Variants in ATP8B4 observed in about 807,000 individuals in gnomAD.
The protein encoded by ATP8B4 is probable phospholipid-transporting ATPase IM.
ATP8B4 carries 133 observed loss-of-function variants against 145.6 expected under a neutral mutation model. The ratio of observed to expected loss-of-function variants is 0.91; its 90% CI spans 0.79 to 1.05. ATP8B4 has a LOEUF of 1.05. Among genes scored for constraint, ATP8B4 ranks in the 50% least tolerant of loss-of-function variants. ATP8B4 has a pLI of 0.00. For missense variants in ATP8B4, 1,458 were observed against 1,425.2 expected (o/e 1.02, Z -0.37); for synonymous variants, 507 against 492.9 (o/e 1.03, Z -0.38).
chr15:49,926,524 A>T (rs1381308088), intron 16 of ATP8B4, among the ~76,000 whole-genome samples: 1 of 152,052 alleles, frequency 6.6e-6, no homozygotes, highest in Non-Finnish European at 1.5e-5. Flanking sequence ...GAATCCTGCA[A>T]TAGCTTCCCT....
intron 1 of ATP8B4, among the ~76,000 whole-genome samples, chr15:50,176,647 A>G (rs1024510628): frequency 2.0e-5 from 3 of 152,226 alleles, no homozygotes; most frequent in African/African-American, 7.2e-5. Flanking sequence ...AGAGAGAGAA[A>G]GCTGTTGAAA....
chr15:49,885,637 T>G (rs1285322124), intron 23 of ATP8B4, among the ~76,000 whole-genome samples: 1 of 152,178 alleles, frequency 6.6e-6, no homozygotes, highest in Non-Finnish European at 1.5e-5. Flanking sequence ...GCACCATAGA[T>G]TCAAACTTAA....
At chr15:49,878,148 A>G (rs1017765581) in intron 24 of ATP8B4, among the ~76,000 whole-genome samples, 1 of 152,168 alleles carries the variant, frequency 6.6e-6, no homozygotes, top group African/African-American at 2.4e-5. Context: ...TTGCACAATA[A>G]CCATCTTTTC....
chr15:50,157,716 T>C (rs2044440985), intron 1 of ATP8B4, among the ~76,000 whole-genome samples: 1 of 145,042 alleles, frequency 6.9e-6, no homozygotes, highest in Non-Finnish European at 1.5e-5. Context: ...ATGGACCCTT[T>C]AACATATTTA....
chr15:49,899,291 T>C (rs879564626), intron 21 of ATP8B4, among the ~76,000 whole-genome samples: 3 of 152,194 alleles, frequency 2.0e-5, no homozygotes, highest in Admixed American at 6.5e-5. Context: ...TTTGTCTCCC[T>C]CTGTGCTCTC....
At chr15:49,951,771 C>T (rs540814274) in intron 14 of ATP8B4, among the ~76,000 whole-genome samples, 5 of 152,196 alleles carry the variant, frequency 3.3e-5, no homozygotes, top group East Asian at 1.9e-4. Context: ...CTAGTTGATG[C>T]GGTTTCTTCA....
chr15:50,070,885 G>A (rs1207586289), intron 3 of ATP8B4, among the ~76,000 whole-genome samples: 4 of 151,898 alleles, frequency 2.6e-5, no homozygotes, highest in South Asian at 4.2e-4. Flanking sequence ...GACTACACAC[G>A]CCCCGCACCA....
At chr15:50,169,855 G>C (rs1289753428) in intron 1 of ATP8B4, among the ~76,000 whole-genome samples, 1 of 152,136 alleles carries the variant, frequency 6.6e-6, no homozygotes, top group East Asian at 1.9e-4. Flanking sequence ...ATTCAGGAAA[G>C]TTTGGACATA....
Position 49,931,295 on chromosome 15 carries a change from T to C in ATP8B4, c.1466A>G (p.Tyr489Cys), listed in dbSNP as rs759326491. The change falls in exon 16 of 28, where the codon TAC (tyrosine) becomes TGC (cysteine). Residue 489 changes from tyrosine (Y) to cysteine (C), a missense_variant. Tyr to Cys is a radical substitution (Grantham distance 194). Transcript: ENST00000284509. The part of the protein sequence containing the change: ...SEENSAGELI[Y>C]QVQSPDEGAL... ...CCCTTCATCAGGTGACTGAACTTGG[T>C]AAATCAGCTCTCCTAAAAGGTAAAG... 1 of 1,612,068 alleles carries C rather than the reference T, an allele frequency of 6.2e-7. No homozygotes were observed. Among genetic ancestry groups the C allele is most frequent in the Admixed American group, 1.7e-5 (1 of 59,752 alleles).
At chr15:49,977,865 A>C (rs2045809110) in intron 12 of ATP8B4, among the ~76,000 whole-genome samples, 1 of 152,156 alleles carries the variant, frequency 6.6e-6, no homozygotes, top group Admixed American at 6.6e-5. Flanking sequence ...TAATCCCCTT[A>C]TTTTATGGGG....
intron 2 of ATP8B4, among the ~76,000 whole-genome samples, chr15:50,097,788 GT>G (rs1388304088): frequency 6.6e-6 from 1 of 152,122 alleles, no homozygotes; most frequent in Non-Finnish European, 1.5e-5. Context: ...GAAATTAGGA[GT>G]TTTCAGGAGA....
intron 21 of ATP8B4, among the ~76,000 whole-genome samples, chr15:49,898,695 G>T (rs1394465463): frequency 6.6e-6 from 1 of 152,106 alleles, no homozygotes; most frequent in Non-Finnish European, 1.5e-5. Flanking sequence ...CTGTTGTTTT[G>T]TATATTTAGT....
rs757552012 is a variant in ATP8B4, at chr15:50,047,362, G to A, written c.190C>T (p.Leu64=). 1 of 1,558,740 alleles carries A rather than the reference G, an allele frequency of 6.4e-7. No individual in the cohort carries two copies. The highest frequency in any genetic ancestry group is 8.8e-7 in the Non-Finnish European group (1 of 1,130,316). The change falls in exon 4 of 28, where the codon CTG becomes TTG. Residue 64 remains leucine, a synonymous_variant. Transcript: ENST00000284509. Reference sequence around the variant, plus strand: ...AACCTAAATATTACCTGTAAAATCAGAAGGCAAAGAAAATAGGCATTTGCC... The same window carrying A: ...AACCTAAATATTACCTGTAAAATCAAAAGGCAAAGAAAATAGGCATTTGCC... ...RVANAYFLCL[L]ILQLIPEISS...
intron 7 of ATP8B4, among the ~76,000 whole-genome samples, chr15:50,005,923 CT>C (rs143723072): frequency 0.1 from 15,898 of 152,058 alleles, 1,697 homozygotes; most frequent in African/African-American, 0.27. Context: ...TTTGGATCGC[CT>C]TTTATTTTTT....
intron 9 of ATP8B4, among the ~76,000 whole-genome samples, chr15:49,995,012 C>T (rs1043993765): frequency 6.6e-6 from 1 of 152,070 alleles, no homozygotes; most frequent in Non-Finnish European, 1.5e-5. Context: ...ATGGAGAAGG[C>T]CACCCAACCC....
At chr15:50,089,133 T>C (rs895196171) in intron 2 of ATP8B4, among the ~76,000 whole-genome samples, 6 of 152,136 alleles carry the variant, frequency 3.9e-5, no homozygotes, top group African/African-American at 1.4e-4. Flanking sequence ...TAACTCAAGA[T>C]GGATTAAAGA....
At chr15:49,987,242 G>T (rs557546173) in intron 10 of ATP8B4, 149 bp downstream of exon 10, 77 of 921,450 alleles carry the variant, frequency 8.4e-5, no homozygotes, top group Admixed American at 4.7e-4. Context: ...GTTTTCTCCT[G>T]GCATCCTACA....
chr15:49,934,269 T>C lies in ATP8B4; in HGVS notation c.1288-87A>G. On this transcript the variant is annotated intron_variant, in intron 14 of 27. Transcript: ENST00000284509. Reference sequence around the variant, plus strand: ...ATTCAAAAATAGTTCCCCCAAGTATTTTTAGTGTATTATTTTGCAGCCTCA... The same window carrying C: ...ATTCAAAAATAGTTCCCCCAAGTATCTTTAGTGTATTATTTTGCAGCCTCA... The C allele has an allele frequency of 4.9e-6, 7 of 1,418,878 alleles. No individual in the cohort carries two copies. In the South Asian group the frequency reaches 9.6e-5, roughly 20 times the overall value. The allele number at this position is 1,418,878 out of a possible 1,614,324, so 87.9% of individuals were successfully genotyped here. A position where few individuals can be genotyped will look rare whatever the true frequency, so the allele number is the denominator to read the frequency against.
intron 1 of ATP8B4, among the ~76,000 whole-genome samples, chr15:50,149,289 AGAGT>A (rs1248599957): frequency 3.9e-5 from 6 of 152,240 alleles, no homozygotes; most frequent in African/African-American, 1.4e-4. Context: ...AAGACAAGAG[AGAGT>A]AAGCTATAGG....
Sources: gnomAD v4.1 joint callset for allele counts (sites outside exome capture counted in the v4.1 genomes callset) on GRCh38, gnomAD v4.1.1 for gene constraint, MANE v1.5 for transcripts, NCBI Gene and HGNC (gene_info 2026-07-23, HGNC 2026-07-21) for gene names.